NPAT: variants seen among roughly 807,000 people sequenced by gnomAD.
NPAT encodes the protein nuclear protein, coactivator of histone transcription, also known as protein NPAT.
In NPAT, 52 loss-of-function variants were observed where a neutral mutation model predicts 130.7. That is an observed-to-expected ratio of 0.40 (90% CI 0.32 to 0.50). NPAT has a LOEUF of 0.50. Among genes scored for constraint, NPAT ranks in the 20% least tolerant of loss-of-function variants. The pLI, the probability that NPAT is intolerant of heterozygous loss-of-function variation, is 0.68. For missense variants in NPAT, 1,687 were observed against 1,662.6 expected, an observed-to-expected ratio of 1.01 and a Z score of -0.26; for synonymous variants, 580 against 584.8, an observed-to-expected ratio of 0.99 and a Z score of 0.12.
chr11:108,197,650 T>C (rs767354452), intron 1 of NPAT, among the ~76,000 whole-genome samples: 2 of 152,176 alleles, frequency 1.3e-5, no homozygotes, highest in Admixed American at 6.5e-5. Context: ...ACTAGTAAAA[T>C]AAAGTGTTTA....
intron 1 of NPAT, among the ~76,000 whole-genome samples, chr11:108,205,780 T>A (rs1304253112): frequency 6.6e-6 from 1 of 152,180 alleles, no homozygotes; most frequent in Non-Finnish European, 1.5e-5. Context: ...CAGTGGCTCA[T>A]GCCTGTAATC....
At chr11:108,172,004 A>G in intron 13 of NPAT, 195 bp downstream of exon 13, 1 of 593,598 alleles carries the variant, frequency 1.7e-6, no homozygotes, top group Admixed American at 3.0e-5. Context: ...TAAAGCCCAT[A>G]GCTTACTAGC....
intron 15 of NPAT, among the ~76,000 whole-genome samples, chr11:108,167,304 T>C (rs2077910380): frequency 6.6e-6 from 1 of 152,180 alleles, no homozygotes; most frequent in Admixed American, 6.5e-5. Context: ...CTCAACCTCC[T>C]GGACTTAAGC....
intron 3 of NPAT, among the ~76,000 whole-genome samples, chr11:108,192,630 T>A (rs922068514): frequency 1.3e-5 from 2 of 152,174 alleles, no homozygotes; most frequent in Non-Finnish European, 2.9e-5. Flanking sequence ...AAAAATGGCT[T>A]TAAACAATCT....
At chr11:108,184,441 C>T (rs1430364210) in intron 10 of NPAT, among the ~76,000 whole-genome samples, 2 of 149,030 alleles carry the variant, frequency 1.3e-5, no homozygotes, top group African/African-American at 4.9e-5. Flanking sequence ...CACTGCACTC[C>T]AGCCTGGGCG....
chr11:108,206,255 C>G (rs1205798640), intron 1 of NPAT, among the ~76,000 whole-genome samples: 1 of 152,130 alleles, frequency 6.6e-6, no homozygotes, highest in East Asian at 1.9e-4. Flanking sequence ...AGTTCGAAAC[C>G]TCTGTGGCTG....
intron 1 of NPAT, among the ~76,000 whole-genome samples, chr11:108,213,224 G>C (rs2078401171): frequency 3.3e-5 from 5 of 152,080 alleles, no homozygotes; most frequent in Admixed American, 3.3e-4. Context: ...GGTGAGCCAA[G>C]ATTGCGCCAT....
intron 1 of NPAT, chr11:108,208,620 A>G (rs772130150): frequency 7.4e-5 from 25 of 335,840 alleles, no homozygotes; most frequent in South Asian, 5.3e-4. Flanking sequence ...GAGAAATAAC[A>G]CTTATAAACA....
chr11:108,159,877 G>A (rs542695223), intron 17 of NPAT, among the ~76,000 whole-genome samples: 40 of 151,794 alleles, frequency 2.6e-4, no homozygotes, highest in African/African-American at 9.2e-4. Context: ...AAATGACCAG[G>A]CGTGGTGGCT....
chr11:108,174,083 A>C (rs1180005996), intron 12 of NPAT, among the ~76,000 whole-genome samples: 1 of 152,248 alleles, frequency 6.6e-6, no homozygotes, highest in Non-Finnish European at 1.5e-5. Context: ...AGCTTGGAAG[A>C]CAGATGATAC....
chr11:108,189,342 A>T lies in NPAT; in HGVS notation c.332-12T>A, dbSNP rs749322192. ...AGTTCTCGTTCGGGCTGAAACATAT[A>T]AGCATTTAAAAAACAAATTCAACGT... On this transcript the variant is annotated splice_polypyrimidine_tract_variant and intron_variant, in intron 5 of 17. Coordinates refer to ENST00000278612, the MANE Select transcript of NPAT (RefSeq NM_002519.3). The T allele has an allele frequency of 1.9e-6, 3 of 1,613,590 alleles. No individual in the cohort carries two copies. The East Asian group carries it at 6.7e-5, about 36-fold the overall frequency.
chr11:108,220,594 G>A (rs974584148), intron 1 of NPAT, among the ~76,000 whole-genome samples: 4 of 152,162 alleles, frequency 2.6e-5, no homozygotes, highest in Non-Finnish European at 4.4e-5. Flanking sequence ...GCTGAAGATG[G>A]CGAGGGGGTA....
At chr11:108,222,111 C>T (rs2078516801) in intron 1 of NPAT, among the ~76,000 whole-genome samples, 1 of 152,120 alleles carries the variant, frequency 6.6e-6, no homozygotes, top group African/African-American at 2.4e-5. Flanking sequence ...CCTATTTGCC[C>T]TATTTTGGTC....
chr11:108,191,082 A>G (rs1000860345), intron 4 of NPAT, among the ~76,000 whole-genome samples: 1 of 152,202 alleles, frequency 6.6e-6, no homozygotes, highest in Non-Finnish European at 1.5e-5. Context: ...AAAAATGAAC[A>G]GAAGATAATT....
At chr11:108,176,182 C>T (rs1465724924) in intron 12 of NPAT, 64 bp downstream of exon 12, 2 of 1,213,754 alleles carry the variant, frequency 1.6e-6, no homozygotes, top group Non-Finnish European at 2.4e-6. Context: ...ATATTTTCTG[C>T]CTTTGAATTT....
rs201147653 is a variant in NPAT, at chr11:108,173,051, T to C, written c.1933A>G (p.Asn645Asp). 3.7e-6 allele frequency: 6 copies of C among 1,614,066 alleles called. No homozygotes were observed. Among genetic ancestry groups the C allele is most frequent in the Non-Finnish European group, 5.1e-6 (6 of 1,180,000 alleles). Reference protein sequence around the residue: ...PSNDSASVELNHTENEAQASK... With the variant: ...PSNDSASVELDHTENEAQASK... ...GCCTGAGCTTCATTTTCTGTATGAT[T>C]TAACTCAACAGATGCTGAATCATTA... is the stretch of plus-strand genomic sequence containing the variant. Residue 645 changes from asparagine (N) to aspartate (D), a missense_variant, in exon 13 of 18, where the codon AAT becomes GAT. By Grantham distance (23) the Asn-to-Asp change is conservative (BLOSUM62 1). Transcript: ENST00000278612.
chr11:108,172,326 A>C lies in NPAT; in HGVS notation c.2658T>G (p.Asn886Lys). 3 of 1,614,218 alleles carry C rather than the reference A, an allele frequency of 1.9e-6. No homozygotes were observed. Among genetic ancestry groups the C allele is most frequent in the Non-Finnish European group, 1.7e-6 (2 of 1,180,032 alleles). ...TALGTSVSQS[N>K]VVVLPGNSAP... ...CAGAATTTCCAGGCAACACCACTAC[A>C]TTAGACTGACTTACAGATGTTCCTA... Residue 886 changes from asparagine (N) to lysine (K), a missense_variant, in exon 13 of 18, where the codon AAT (asparagine) becomes AAG (lysine). By Grantham distance (94) the Asn-to-Lys change is moderately conservative (BLOSUM62 0). Coordinates refer to ENST00000278612, the MANE Select transcript of NPAT (RefSeq NM_002519.3).
At chr11:108,162,061 C>T in intron 16 of NPAT, 47 bp from the exon 17 acceptor site, 1 of 1,611,286 alleles carries the variant, frequency 6.2e-7, no homozygotes, top group Non-Finnish European at 8.5e-7. Context: ...TAAAGAAATC[C>T]TTTATGTTTT....
At chr11:108,197,493 C>T (rs1228389156) in intron 1 of NPAT, 73 bp from the exon 2 acceptor site, 2 of 959,850 alleles carry the variant, frequency 2.1e-6, no homozygotes, top group African/African-American at 3.2e-5. Context: ...ATTGAAAATG[C>T]TGTAGCATGT....
Sources: allele counts gnomAD v4.1 joint callset (sites outside exome capture counted in the v4.1 genomes callset), GRCh38; gene constraint gnomAD v4.1.1; transcripts MANE v1.5; gene names NCBI Gene and HGNC (gene_info 2026-07-23, HGNC 2026-07-21).